RBMS3: variants seen among roughly 807,000 people sequenced by gnomAD.
RBMS3 encodes the protein RNA-binding motif, single-stranded-interacting protein 3.
Under a neutral mutation model 66.8 loss-of-function variants are expected in RBMS3, and 27 were observed. The ratio of observed to expected loss-of-function variants is 0.40; its 90% CI spans 0.30 to 0.56. The LOEUF is 0.56. Among genes scored for constraint, RBMS3 ranks in the 20% least tolerant of loss-of-function variants. The pLI is 0.40. For missense variants in RBMS3, 513 were observed against 549.5 expected, an observed-to-expected ratio of 0.93 and a Z score of 0.66; for synonymous variants, 188 against 183.0, an observed-to-expected ratio of 1.03 and a Z score of -0.22.
chr3:29,316,941 T>C (rs1238161679), intron 1 of RBMS3, among the ~76,000 whole-genome samples: 1 of 151,754 alleles, frequency 6.6e-6, no homozygotes, highest in African/African-American at 2.4e-5. Flanking sequence ...ACTGGAGATA[T>C]TGACATACCA....
intron 4 of RBMS3, among the ~76,000 whole-genome samples, chr3:29,603,630 C>T (rs1242715300): frequency 6.6e-6 from 1 of 151,964 alleles, no homozygotes; most frequent in East Asian, 1.9e-4. Context: ...TTCTTTCTAG[C>T]TTCCTTTATT....
At chr3:29,748,654 G>A (rs527732411) in intron 5 of RBMS3, among the ~76,000 whole-genome samples, 9 of 152,266 alleles carry the variant, frequency 5.9e-5, no homozygotes, top group Non-Finnish European at 1.2e-4. Flanking sequence ...GGAGGGGCAT[G>A]ATCAAAAGTC....
At chr3:29,993,275 T>C (rs894689709) in intron 14 of RBMS3, among the ~76,000 whole-genome samples, 5 of 149,192 alleles carry the variant, frequency 3.4e-5, no homozygotes, top group African/African-American at 1.3e-4. Flanking sequence ...TGTGGTAGAC[T>C]CTGAAACTCC....
chr3:29,359,013 C>A (rs1230573306), intron 1 of RBMS3, among the ~76,000 whole-genome samples: 1 of 152,204 alleles, frequency 6.6e-6, no homozygotes, highest in African/African-American at 2.4e-5. Flanking sequence ...TTGACTTCCT[C>A]TTTTCCTAAT....
intron 12 of RBMS3, among the ~76,000 whole-genome samples, chr3:29,982,725 G>T (rs1033199694): frequency 6.6e-6 from 1 of 152,190 alleles, no homozygotes; most frequent in Non-Finnish European, 1.5e-5. Context: ...GTGCAGTTTT[G>T]AGTGAGTTTC....
intron 4 of RBMS3, among the ~76,000 whole-genome samples, chr3:29,699,927 G>A (rs2052473882): frequency 6.6e-6 from 1 of 152,104 alleles, no homozygotes; most frequent in African/African-American, 2.4e-5. Context: ...CAAATAGCAG[G>A]GGTATAAAGG....
At chr3:29,697,239 A>G (rs2052321704) in intron 4 of RBMS3, 1 of 550,602 alleles carries the variant, frequency 1.8e-6, no homozygotes, top group Non-Finnish European at 2.3e-6. Flanking sequence ...TGCTATTGAA[A>G]CAAATGTAGT....
chr3:29,360,799 T>C (rs1268469403), intron 1 of RBMS3, among the ~76,000 whole-genome samples: 2 of 152,104 alleles, frequency 1.3e-5, no homozygotes, highest in East Asian at 1.9e-4. Flanking sequence ...TACCATTATG[T>C]AATGGCCTTC....
intron 5 of RBMS3, among the ~76,000 whole-genome samples, chr3:29,747,637 A>G (rs2054981921): frequency 1.3e-5 from 2 of 152,148 alleles, no homozygotes; most frequent in South Asian, 4.1e-4. Flanking sequence ...TTTTCTCATG[A>G]CCAGGAAAAA....
intron 2 of RBMS3, among the ~76,000 whole-genome samples, chr3:29,456,083 C>A (rs1380187148): frequency 6.6e-6 from 1 of 152,070 alleles, no homozygotes; most frequent in East Asian, 1.9e-4. Context: ...AGGATCAACT[C>A]TATTATGTAT....
At chr3:29,695,925 G>T (rs527346110) in intron 4 of RBMS3, among the ~76,000 whole-genome samples, 1 of 152,280 alleles carries the variant, frequency 6.6e-6, no homozygotes, top group South Asian at 2.1e-4. Context: ...TGTTTGAACT[G>T]GTCAAATTGA....
intron 1 of RBMS3, among the ~76,000 whole-genome samples, chr3:29,297,738 G>A (rs2033379303): frequency 6.6e-6 from 1 of 151,786 alleles, no homozygotes; most frequent in African/African-American, 2.4e-5. Context: ...TAAGGTTCCA[G>A]GATACCTTTT....
At chr3:29,819,472 G>A (rs1472758434) in intron 6 of RBMS3, among the ~76,000 whole-genome samples, 4 of 151,874 alleles carry the variant, frequency 2.6e-5, no homozygotes, top group Non-Finnish European at 5.9e-5. Flanking sequence ...TATTAGCAAG[G>A]GTATTTTTAA....
At chr3:29,613,297 T>TC (rs142682368) in intron 4 of RBMS3, among the ~76,000 whole-genome samples, 13,728 of 152,214 alleles carry the variant, frequency 0.09, 664 homozygotes, top group Middle Eastern at 0.13. Flanking sequence ...ATTGACATTC[T>TC]CCCTAACCAT....
rs781422038 is a variant in RBMS3, at chr3:30,004,810, C to G, written c.*948C>G. ...TAGCAAAAGCATTAGTGCTTTTTAT[C>G]TGCAGTCTTTTTTATGAGCTTTACA... On this transcript the variant is annotated 3_prime_UTR_variant, in exon 15 of 15. Coordinates refer to ENST00000383767, the MANE Select transcript of RBMS3 (RefSeq NM_001003793.3). 1.3e-5 allele frequency: 2 copies of G among 151,360 alleles called. No individual in the cohort carries two copies. The highest frequency in any genetic ancestry group is 2.4e-5 in the African/African-American group (1 of 41,100). The allele number at this position is 151,360 out of a possible 1,614,324, so 9.4% of individuals were successfully genotyped here. A position where few individuals can be genotyped will look rare whatever the true frequency, so the allele number is the denominator to read the frequency against.
chr3:29,821,393 C>A (rs1385716190), intron 6 of RBMS3, among the ~76,000 whole-genome samples: 2 of 152,088 alleles, frequency 1.3e-5, no homozygotes, highest in African/African-American at 2.4e-5. Context: ...TATTTCTACA[C>A]CTGGAAATAG....
intron 2 of RBMS3, among the ~76,000 whole-genome samples, chr3:29,463,205 T>C (rs1431613626): frequency 6.6e-6 from 1 of 152,216 alleles, no homozygotes; most frequent in Non-Finnish European, 1.5e-5. Context: ...ATTTAACCTA[T>C]TTTTAGGTAA....
intron 10 of RBMS3, among the ~76,000 whole-genome samples, chr3:29,900,908 C>T (rs193077687): frequency 6.6e-6 from 1 of 151,796 alleles, no homozygotes; most frequent in Admixed American, 6.6e-5. Context: ...CGCAGACATC[C>T]ATTTCCTGAA....
intron 12 of RBMS3, among the ~76,000 whole-genome samples, chr3:29,980,945 T>C (rs1267598910): frequency 1.3e-5 from 2 of 151,770 alleles, no homozygotes; most frequent in East Asian, 2.0e-4. Context: ...AAATTTAAAG[T>C]AGTTTTTTCT....
Sources: gnomAD v4.1 joint callset for allele counts (sites outside exome capture counted in the v4.1 genomes callset) on GRCh38, gnomAD v4.1.1 for gene constraint, MANE v1.5 for transcripts, NCBI Gene and HGNC (gene_info 2026-07-23, HGNC 2026-07-21) for gene names.